The following DST variants were observed in gnomAD, a reference collection of about 807,000 sequenced individuals.
DST encodes bullous pemphigoid antigen.
In DST, 253 loss-of-function variants were observed where a neutral mutation model predicts 875.2. The ratio of observed to expected loss-of-function variants is 0.29; its 90% CI spans 0.26 to 0.32. The LOEUF (loss-of-function observed/expected upper bound fraction) is 0.32, where lower values mean the gene tolerates loss of function less well. DST is among the 10% of genes least tolerant of loss of function. The pLI is 1.00. For synonymous variants in DST, 3,124 were observed against 3,197.1 expected (o/e 0.98, Z 0.77); for missense variants, 8,287 against 9,111.6 (o/e 0.91, Z 3.68).
intron 4 of DST, among the ~76,000 whole-genome samples, chr6:56,804,114 A>T (rs1248612056): frequency 6.6e-6 from 1 of 152,202 alleles, no homozygotes; most frequent in Non-Finnish European, 1.5e-5. Context: ...CAAACTACCA[A>T]GACACAGGAT....
Position 56,607,465 on chromosome 6 carries a change from T to C in DST, c.7163A>G (p.Lys2388Arg). Residue 2388 changes from lysine to arginine, a missense_variant, in exon 40 of 104, where the codon AAA (lysine) becomes AGA (arginine). Lys to Arg is a conservative substitution (Grantham distance 26, BLOSUM62 2). This residue lies in a region of DST where 3,138 missense variants were observed against 3,116.6 expected (regional missense o/e 1.01). Coordinates refer to ENST00000680361, the MANE Select transcript of DST (RefSeq NM_001374736.1). ...ATCACTTGGAAAGTTTTGAATGTTT[T>C]TAGAATGACTACATTCATTTGCACG... The part of the protein sequence containing the change: ...NERANECSHS[K>R]NIQNFPSDLI... The C allele has an allele frequency of 5.0e-6, 8 of 1,600,770 alleles. No individual in the cohort carries two copies. Among genetic ancestry groups the C allele is most frequent in the Non-Finnish European group, 6.0e-6 (7 of 1,172,520 alleles).
At chr6:56,737,517 C>T (rs1456008086) in intron 4 of DST, among the ~76,000 whole-genome samples, 1 of 152,206 alleles carries the variant, frequency 6.6e-6, no homozygotes, top group East Asian at 1.9e-4. Context: ...GCACTAGTCA[C>T]AATTTAAGTG....
Position 56,533,119 on chromosome 6 carries a change from G to A in DST, c.16942-609C>T, listed in dbSNP as rs139224772. Among the ~76,000 whole-genome samples the A allele has an allele frequency of 6.3e-3, 961 of 152,320 alleles. 6 individuals carry two copies. The highest frequency in any genetic ancestry group is 0.022 in the African/African-American group (925 of 41,576). On this transcript the variant is annotated intron_variant, in intron 63 of 103. Coordinates refer to ENST00000680361, the MANE Select transcript of DST (RefSeq NM_001374736.1). ...TTACACATCATTGGCAACAGGAAGA[G>A]AGGGTAGAAGATGTCAGAAATCTCC...
Position 56,843,473 on chromosome 6 carries a change from G to C in DST, c.625+7924C>G, listed in dbSNP as rs1449301619. The C allele has an allele frequency of 6.0e-6, 6 of 996,558 alleles. No homozygotes were observed. The Admixed American group carries it at 1.8e-4, about 30-fold the overall frequency. 61.7% of individuals were successfully genotyped at this position (996,558 alleles called of 1,614,324 possible). A position where few individuals can be genotyped will look rare whatever the true frequency, so the allele number is the denominator to read the frequency against. ...GCAGCGCCACGCCAAGCGGAGGAGC[G>C]GGGCGTGCGGCGAGGGCGGGCGGGG... On this transcript the variant is annotated intron_variant, in intron 4 of 103. Transcript: ENST00000680361.
chr6:56,838,560 C>CA (rs200060544), intron 4 of DST, among the ~76,000 whole-genome samples: 2,045 of 146,920 alleles, frequency 0.014, 24 homozygotes, highest in Non-Finnish European at 0.023. Flanking sequence ...CAAACAACAA[C>CA]AAAAAAAAAA....
chr6:56,788,128 CA>C (rs781369739), intron 4 of DST, among the ~76,000 whole-genome samples: 610 of 26,570 alleles, frequency 0.023, 2 homozygotes, highest in African/African-American at 0.094. Context: ...GACTCCGTCT[CA>C]AAAAAAAAAA....
At chr6:56,638,627 C>A (rs2098847444) in intron 22 of DST, among the ~76,000 whole-genome samples, 1 of 152,124 alleles carries the variant, frequency 6.6e-6, no homozygotes. Context: ...GTCTAATATA[C>A]AATTTAAAAC....
chr6:56,465,585 C>T (rs970189763), intron 99 of DST, among the ~76,000 whole-genome samples: 1 of 152,034 alleles, frequency 6.6e-6, no homozygotes, highest in Non-Finnish European at 1.5e-5. Flanking sequence ...TAATCTGCAA[C>T]TTCAAAGAGT....
At chr6:56,813,355 G>A (rs1463028056) in intron 4 of DST, among the ~76,000 whole-genome samples, 1 of 150,476 alleles carries the variant, frequency 6.6e-6, no homozygotes, top group Non-Finnish European at 1.5e-5. Context: ...TGCACATTGT[G>A]CACATGTACC....
chr6:56,841,219 G>A (rs1242720760), intron 4 of DST, among the ~76,000 whole-genome samples: 2 of 152,056 alleles, frequency 1.3e-5, no homozygotes, highest in Non-Finnish European at 2.9e-5. Flanking sequence ...AAAACACATC[G>A]GGAAACAATG....
chr6:56,633,786 G>C (rs2098803871), intron 27 of DST, among the ~76,000 whole-genome samples: 1 of 152,200 alleles, frequency 6.6e-6, no homozygotes, highest in Non-Finnish European at 1.5e-5. Context: ...ACAGGCGTGA[G>C]CCACCGCGCC....
intron 3 of DST, among the ~76,000 whole-genome samples, chr6:56,891,478 A>G (rs1234583503): frequency 6.6e-6 from 1 of 151,634 alleles, no homozygotes; most frequent in Admixed American, 6.6e-5. Context: ...GAGGCAGGAG[A>G]ATGGCGTGAA....
chr6:56,476,087 A>T, intron 92 of DST, 62 bp downstream of exon 92: 1 of 1,349,342 alleles, frequency 7.4e-7, no homozygotes, highest in South Asian at 1.5e-5. Context: ...GAAGTACAGC[A>T]GTGAAAGAAA....
At chr6:56,673,918 T>C (rs1479417158) in intron 9 of DST, among the ~76,000 whole-genome samples, 1 of 152,204 alleles carries the variant, frequency 6.6e-6, no homozygotes, top group Non-Finnish European at 1.5e-5. Flanking sequence ...CTTATAGCAA[T>C]TTAAGGTATT....
chr6:56,746,631 G>C (rs1200083877), intron 4 of DST, among the ~76,000 whole-genome samples: 2 of 152,292 alleles, frequency 1.3e-5, no homozygotes, highest in Non-Finnish European at 2.9e-5. Context: ...CAGTAGAAGA[G>C]AGTGGAAGCT....
intron 8 of DST, among the ~76,000 whole-genome samples, chr6:56,700,993 T>C (rs1359243743): frequency 6.7e-6 from 1 of 150,326 alleles, no homozygotes; most frequent in Non-Finnish European, 1.5e-5. Flanking sequence ...TTTTTTTTTT[T>C]TTTTGAGACA....
At chr6:56,507,786 C>T (rs1369289467) in intron 75 of DST, among the ~76,000 whole-genome samples, 2 of 152,150 alleles carry the variant, frequency 1.3e-5, no homozygotes, top group African/African-American at 2.4e-5. Context: ...CAAAAAGCTG[C>T]ATGCCCTGCT....
intron 53 of DST, among the ~76,000 whole-genome samples, chr6:56,570,417 A>G (rs1279534914): frequency 6.6e-6 from 1 of 152,052 alleles, no homozygotes; most frequent in Non-Finnish European, 1.5e-5. Context: ...GTGATGGGAG[A>G]TGGTGGCAGA....
intron 9 of DST, among the ~76,000 whole-genome samples, chr6:56,690,558 AT>A (rs2099221582): frequency 6.6e-6 from 1 of 152,210 alleles, no homozygotes; most frequent in African/African-American, 2.4e-5. Flanking sequence ...AGCTCAAAAA[AT>A]TGTACACTAT....
Sources: gnomAD v4.1 joint callset for allele counts (sites outside exome capture counted in the v4.1 genomes callset) on GRCh38, gnomAD v4.1.1 for gene constraint, gnomAD v4.1.1 regional missense constraint, MANE v1.5 for transcripts, NCBI Gene and HGNC (gene_info 2026-07-23, HGNC 2026-07-21) for gene names.